Variants in GNG2 observed in about 807,000 individuals in gnomAD.
GNG2 encodes the protein guanine nucleotide-binding protein G(I)/G(S)/G(O) subunit gamma-2.
In GNG2, 5 loss-of-function variants were observed where a neutral mutation model predicts 5.5. The observed-to-expected ratio is 0.91, with a 90% CI of 0.48 to 1.92. The LOEUF (loss-of-function observed/expected upper bound fraction) is 1.92, where lower values mean the gene tolerates loss of function less well. Ranked by LOEUF, GNG2 falls within the 30% of genes most tolerant of loss-of-function variation. The pLI is 0.01. For missense variants in GNG2, 55 were observed against 88.4 expected (o/e 0.62, Z 1.52); for synonymous variants, 28 against 32.0 (o/e 0.88, Z 0.42).
chr14:51,830,493 TCCTGATCTTA>T (rs1881151340), intron 2 of GNG2, among the ~76,000 whole-genome samples: 1 of 152,238 alleles, frequency 6.6e-6, no homozygotes, highest in Non-Finnish European at 1.5e-5. Flanking sequence ...AGAGTGGAGC[TCCTGATCTTA>T]CCTTCAATCT....
chr14:51,843,626 C>A (rs1959525), intron 2 of GNG2, among the ~76,000 whole-genome samples: 37,380 of 151,828 alleles, frequency 0.25, 5,022 homozygotes, highest in East Asian at 0.42. Flanking sequence ...TCTGCTCCTG[C>A]CCTCAACCCT....
At chr14:51,884,873 G>T (rs921324803) in intron 2 of GNG2, among the ~76,000 whole-genome samples, 1 of 152,174 alleles carries the variant, frequency 6.6e-6, no homozygotes, top group African/African-American at 2.4e-5. Flanking sequence ...CAGAGGGTGG[G>T]CCTGCCATCA....
chr14:51,961,245 A>C (rs541433909), intron 3 of GNG2, among the ~76,000 whole-genome samples: 1 of 152,298 alleles, frequency 6.6e-6, no homozygotes, highest in East Asian at 1.9e-4. Flanking sequence ...TCATAGCCAA[A>C]ATTGGAAGTA....
At chr14:51,865,707 T>C (rs936777174) in intron 1 of GNG2, among the ~76,000 whole-genome samples, 3 of 152,132 alleles carry the variant, frequency 2.0e-5, no homozygotes, top group African/African-American at 7.2e-5. Context: ...CTAAAATATT[T>C]TGTTTAAAAA....
chr14:51,944,699 TAAA>T (rs1888540287), intron 2 of GNG2, among the ~76,000 whole-genome samples: 1 of 152,136 alleles, frequency 6.6e-6, no homozygotes, highest in African/African-American at 2.4e-5. Context: ...ATAAAACTCT[TAAA>T]AGAAAACATA....
At chr14:51,847,673 A>ACCTACAGGCGGGCCCCTC (rs1366211228) in intron 2 of GNG2, among the ~76,000 whole-genome samples, 31 of 152,124 alleles carry the variant, frequency 2.0e-4, no homozygotes, top group Non-Finnish European at 8.8e-5. Context: ...GTTGAGTTTT[A>ACCTACAGGCGGGCCCCTC]TCACAGACGA....
intron 2 of GNG2, among the ~76,000 whole-genome samples, chr14:51,839,452 CT>C (rs1881424509): frequency 6.6e-6 from 1 of 152,140 alleles, no homozygotes; most frequent in African/African-American, 2.4e-5. Context: ...AGGTATCTAC[CT>C]TTTTTGTCTT....
intron 2 of GNG2, among the ~76,000 whole-genome samples, chr14:51,920,538 A>G (rs1362494289): frequency 1.3e-5 from 2 of 152,178 alleles, no homozygotes; most frequent in Non-Finnish European, 2.9e-5. Context: ...GGCAGAATAT[A>G]ATTACAAATT....
chr14:51,921,465 T>G (rs1887010683), intron 2 of GNG2, among the ~76,000 whole-genome samples: 1 of 152,206 alleles, frequency 6.6e-6, no homozygotes, highest in African/African-American at 2.4e-5. Context: ...AATTGACATT[T>G]CCACAATTCT....
chr14:51,868,383 G>A (rs1353395055), intron 1 of GNG2, among the ~76,000 whole-genome samples: 1 of 152,138 alleles, frequency 6.6e-6, no homozygotes, highest in Non-Finnish European at 1.5e-5. Context: ...GAATCAACCA[G>A]GATTGGAACC....
intron 3 of GNG2, among the ~76,000 whole-genome samples, chr14:51,963,458 TGTAA>T (rs1291973792): frequency 2.0e-5 from 3 of 152,200 alleles, no homozygotes; most frequent in African/African-American, 7.2e-5. Flanking sequence ...TCCTGTTTGG[TGTAA>T]CAATGACTAT....
intron 1 of GNG2, among the ~76,000 whole-genome samples, chr14:51,876,043 T>C (rs904639883): frequency 1.3e-5 from 2 of 151,440 alleles, no homozygotes; most frequent in Non-Finnish European, 2.9e-5. Flanking sequence ...GCTCAAGCTA[T>C]CCTCCCACCT....
At chr14:51,915,838 C>A (rs989075744) in intron 2 of GNG2, among the ~76,000 whole-genome samples, 1 of 152,208 alleles carries the variant, frequency 6.6e-6, no homozygotes, top group Admixed American at 6.5e-5. Flanking sequence ...AGCTGCTGTA[C>A]TCTGTTCCCA....
In GNG2 at chr14:51,966,665, A is replaced by G; in HGVS notation, c.194A>G (p.Lys65Arg). 1 of 1,613,840 alleles carries G rather than the reference A, an allele frequency of 6.2e-7. No individual in the cohort carries two copies. The highest frequency in any genetic ancestry group is 8.5e-7 in the Non-Finnish European group (1 of 1,179,784). Residue 65 changes from lysine (K) to arginine (R), a missense_variant, in exon 4 of 4, where the codon AAG (lysine) becomes AGG (arginine). Physicochemically the swap from Lys to Arg is conservative, Grantham distance 26. Transcript: ENST00000556766. ...PASENPFREK[K>R]FFCAIL The stretch of plus-strand genomic sequence containing the variant: ...TCAGAAAACCCGTTTAGGGAGAAGA[A>G]GTTTTTCTGTGCCATCCTTTAAGTC...
intron 2 of GNG2, among the ~76,000 whole-genome samples, chr14:51,942,481 G>C (rs1337058439): frequency 6.6e-6 from 1 of 151,970 alleles, no homozygotes; most frequent in Non-Finnish European, 1.5e-5. Flanking sequence ...TTCCTGGTTG[G>C]TTACCACTGC....
intron 2 of GNG2, among the ~76,000 whole-genome samples, chr14:51,908,324 C>A (rs973835692): frequency 6.6e-6 from 1 of 152,194 alleles, no homozygotes; most frequent in Non-Finnish European, 1.5e-5. Flanking sequence ...ACCATATCAT[C>A]ATTTCTATAC....
chr14:51,929,291 A>G (rs568227915), intron 2 of GNG2, among the ~76,000 whole-genome samples: 15 of 152,308 alleles, frequency 9.8e-5, no homozygotes, highest in African/African-American at 3.4e-4. Context: ...AAATGGGGCC[A>G]CGGACTGTTT....
chr14:51,912,563 C>T (rs60678940), intron 2 of GNG2, among the ~76,000 whole-genome samples: 15,286 of 152,148 alleles, frequency 0.1, 1,357 homozygotes, highest in African/African-American at 0.24. Flanking sequence ...TGGGTGGAGT[C>T]CTGTCCACTT....
intron 2 of GNG2, among the ~76,000 whole-genome samples, chr14:51,911,699 A>C (rs1886308814): frequency 7.9e-6 from 1 of 127,040 alleles, no homozygotes; most frequent in South Asian, 2.7e-4. Flanking sequence ...GTATGCCACC[A>C]AGCCTGGCTA....
Sources: allele counts gnomAD v4.1 joint callset (sites outside exome capture counted in the v4.1 genomes callset), GRCh38; gene constraint gnomAD v4.1.1; transcripts MANE v1.5; gene names NCBI Gene and HGNC (gene_info 2026-07-23, HGNC 2026-07-21).